The following CRISPLD2 variants were observed in gnomAD, a reference collection of about 807,000 sequenced individuals.
The protein encoded by CRISPLD2 is cysteine-rich secretory protein LCCL domain-containing 2.
In CRISPLD2, 47 loss-of-function variants were observed where a neutral mutation model predicts 71.1. That is an observed-to-expected ratio of 0.66 (90% CI 0.52 to 0.84). CRISPLD2 has a LOEUF of 0.84. Among genes scored for constraint, CRISPLD2 ranks in the 40% least tolerant of loss-of-function variants. CRISPLD2 has a pLI of 0.00. For missense variants in CRISPLD2, 830 were observed against 651.1 expected, an observed-to-expected ratio of 1.27 and a Z score of -2.99; for synonymous variants, 317 against 250.1, an observed-to-expected ratio of 1.27 and a Z score of -2.52.
chr16:84,859,793 C>T (rs1047666500), intron 6 of CRISPLD2, among the ~76,000 whole-genome samples: 1 of 152,250 alleles, frequency 6.6e-6, no homozygotes, highest in African/African-American at 2.4e-5. Context: ...CCTCTGCTGT[C>T]CATTACGGTA....
chr16:84,847,437 G>C (rs557958013), intron 3 of CRISPLD2, among the ~76,000 whole-genome samples: 2 of 152,176 alleles, frequency 1.3e-5, no homozygotes, highest in Non-Finnish European at 2.9e-5. Flanking sequence ...AGAATACAAG[G>C]TCAGGAGTTC....
At chr16:84,836,610 C>A (rs1916627083) in intron 1 of CRISPLD2, among the ~76,000 whole-genome samples, 1 of 152,150 alleles carries the variant, frequency 6.6e-6, no homozygotes, top group African/African-American at 2.4e-5. Context: ...GAATGGGAAC[C>A]ACAGCATTCC....
At chr16:84,842,581 C>T (rs1916804307) in intron 2 of CRISPLD2, among the ~76,000 whole-genome samples, 2 of 151,704 alleles carry the variant, frequency 1.3e-5, no homozygotes, top group East Asian at 1.9e-4. Context: ...ACCACGTTGG[C>T]CAGGCTGGTC....
intron 5 of CRISPLD2, among the ~76,000 whole-genome samples, chr16:84,851,976 C>G (rs1917101576): frequency 6.6e-6 from 1 of 152,186 alleles, no homozygotes; most frequent in Non-Finnish European, 1.5e-5. Context: ...ACACATCAGA[C>G]TTTTATGTCT....
intron 14 of CRISPLD2, 27 bp from the exon 15 acceptor site, chr16:84,906,561 A>T (rs755923787): frequency 1.1e-5 from 17 of 1,611,102 alleles, no homozygotes; most frequent in Admixed American, 1.7e-5. Flanking sequence ...TCTCTCAGTA[A>T]CGGGCCCTCT....
intron 8 of CRISPLD2, 117 bp from the exon 9 acceptor site, chr16:84,872,325 T>C (rs1010590193): frequency 1.2e-6 from 1 of 865,396 alleles, no homozygotes; most frequent in East Asian, 2.7e-5. Flanking sequence ...GGAATCCACA[T>C]GAATGAAGCT....
chr16:84,884,846 A>G (rs8055685), intron 13 of CRISPLD2, among the ~76,000 whole-genome samples: 4,667 of 152,266 alleles, frequency 0.031, 218 homozygotes, highest in African/African-American at 0.11. Flanking sequence ...TGGGGCTGCC[A>G]ACCAGAACCT....
chr16:84,877,403 G>A (rs764462662), intron 11 of CRISPLD2, 35 bp from the exon 12 acceptor site: 2 of 1,605,022 alleles, frequency 1.2e-6, no homozygotes, highest in Non-Finnish European at 1.7e-6. Flanking sequence ...AGGCGTGCTG[G>A]GACCTGACCC....
chr16:84,895,579 G>A (rs1055060280), intron 14 of CRISPLD2, among the ~76,000 whole-genome samples: 6 of 152,056 alleles, frequency 3.9e-5, no homozygotes, highest in African/African-American at 1.2e-4. Flanking sequence ...TGTATTATAC[G>A]TGCTAGTCTG....
chr16:84,881,182 C>T lies in CRISPLD2; in HGVS notation c.1305+598C>T, dbSNP rs568153408. On this transcript the variant is annotated intron_variant, in intron 13 of 14. Coordinates refer to ENST00000262424, the MANE Select transcript of CRISPLD2 (RefSeq NM_031476.4). ...CTCATGCTTCAGATAGTTCATTTTTCCGGCTATTTAGTCATCTTCCCAGCT... is the reference window on the plus strand; with the variant it reads ...CTCATGCTTCAGATAGTTCATTTTTTCGGCTATTTAGTCATCTTCCCAGCT... Among the ~76,000 whole-genome samples, 7 of 152,278 alleles carry T rather than the reference C, an allele frequency of 4.6e-5. No individual in the cohort carries two copies. The South Asian group carries it at 1.4e-3, about 32-fold the overall frequency.
At chr16:84,897,788 T>C (rs1241250836) in intron 14 of CRISPLD2, among the ~76,000 whole-genome samples, 1 of 152,200 alleles carries the variant, frequency 6.6e-6, no homozygotes, top group Non-Finnish European at 1.5e-5. Flanking sequence ...GGCTAATTTT[T>C]GTATTTTTAG....
chr16:84,887,880 A>C (rs1403126347), intron 13 of CRISPLD2, among the ~76,000 whole-genome samples: 1 of 152,172 alleles, frequency 6.6e-6, no homozygotes, highest in Non-Finnish European at 1.5e-5. Flanking sequence ...CCGTCTCAAA[A>C]AATAGATAGA....
intron 3 of CRISPLD2, among the ~76,000 whole-genome samples, chr16:84,846,672 C>G (rs1277956691): frequency 2.0e-5 from 3 of 152,182 alleles, no homozygotes; most frequent in African/African-American, 7.2e-5. Flanking sequence ...CTGTTTAAGG[C>G]TGAGCCAGGT....
At chr16:84,900,384 A>G (rs996506906) in intron 14 of CRISPLD2, among the ~76,000 whole-genome samples, 8 of 152,086 alleles carry the variant, frequency 5.3e-5, no homozygotes, top group Non-Finnish European at 1.0e-4. Context: ...TGGAGCGGAG[A>G]TCCTAAAGGA....
chr16:84,857,800 G>A (rs1261097283), intron 6 of CRISPLD2, among the ~76,000 whole-genome samples: 1 of 152,230 alleles, frequency 6.6e-6, no homozygotes, highest in African/African-American at 2.4e-5. Context: ...GGTGGCAGCA[G>A]TGGAGACCAT....
chr16:84,842,520 C>T (rs187138733), intron 2 of CRISPLD2, among the ~76,000 whole-genome samples: 42 of 151,776 alleles, frequency 2.8e-4, no homozygotes, highest in African/African-American at 8.5e-4. Context: ...ACGACAGGTG[C>T]GCACCAGCAC....
intron 14 of CRISPLD2, among the ~76,000 whole-genome samples, chr16:84,906,268 T>G (rs1030515547): frequency 6.6e-6 from 1 of 151,930 alleles, no homozygotes; most frequent in Non-Finnish European, 1.5e-5. Context: ...CAGGTGGTAG[T>G]GAAACCAAGC....
Position 84,906,807 on chromosome 16 carries a change from C to G in CRISPLD2, c.*165C>G, listed in dbSNP as rs1453281807. On this transcript the variant is annotated 3_prime_UTR_variant, in exon 15 of 15. Transcript: ENST00000262424. Reference sequence around the variant, plus strand: ...TGTGGGTGAGGTGACATCTCATCCCCTCACTGAAGCAACAGCATCCCAAGG... The same window carrying G: ...TGTGGGTGAGGTGACATCTCATCCCGTCACTGAAGCAACAGCATCCCAAGG... 4 of 794,550 alleles carry G rather than the reference C, an allele frequency of 5.0e-6. No homozygotes were observed. The highest frequency in any genetic ancestry group is 2.0e-5 in the Admixed American group (1 of 49,284). 49.2% of individuals were successfully genotyped at this position (794,550 alleles called of 1,614,324 possible). A position where few individuals can be genotyped will look rare whatever the true frequency, so the allele number is the denominator to read the frequency against.
At position 84,867,382 on chromosome 16, in the gene CRISPLD2, G is replaced by A. The variant is rs545380100; in HGVS notation, c.853+342G>A. Among the ~76,000 whole-genome samples the A allele has an allele frequency of 6.6e-5, 10 of 152,266 alleles. No individual in the cohort carries two copies. The South Asian group carries it at 1.5e-3, about 22-fold the overall frequency. The stretch of plus-strand genomic sequence containing the variant: ...GCTGGCCCTGCAGAGGGCAGGCAGC[G>A]TCCAGCCTGGCTCTGGAAGGTTCCA... On this transcript the variant is annotated intron_variant, in intron 7 of 14. Coordinates refer to ENST00000262424, the MANE Select transcript of CRISPLD2 (RefSeq NM_031476.4).
Sources: allele counts gnomAD v4.1 joint callset (sites outside exome capture counted in the v4.1 genomes callset), GRCh38; gene constraint gnomAD v4.1.1; transcripts MANE v1.5; gene names NCBI Gene and HGNC (gene_info 2026-07-23, HGNC 2026-07-21).